UBA7: variants seen among roughly 807,000 people sequenced by gnomAD.
The protein encoded by UBA7 is ubiquitin-like modifier-activating enzyme 7.
In UBA7, 88 loss-of-function variants were observed where a neutral mutation model predicts 113.0. That is an observed-to-expected ratio of 0.78 (90% CI 0.66 to 0.93). UBA7 has a LOEUF of 0.93. Among genes scored for constraint, UBA7 ranks in the 40% least tolerant of loss-of-function variants. UBA7 has a pLI of 0.00. For synonymous variants in UBA7, 459 were observed against 513.0 expected (o/e 0.89, Z 1.42); for missense variants, 1,092 against 1,266.4 (o/e 0.86, Z 2.09).
At position 49,811,915 on chromosome 3, in the gene UBA7, G is replaced by A; in HGVS notation, c.894C>T (p.His298=). 1 of 1,614,198 alleles carries A rather than the reference G, an allele frequency of 6.2e-7. No homozygotes were observed. Among genetic ancestry groups the A allele is most frequent in the South Asian group, 1.1e-5 (1 of 91,088 alleles). ...HCLHQAFCAL[H]KFQHLHGRPP... is the part of the protein sequence containing the mutation. ...GCCGGCCATGGAGGTGCTGGAACTT[G>A]TGCAGTGCACAGAAGGCCTGATGCA... The change falls in exon 8 of 24, where the codon CAC becomes CAT. Residue 298 remains histidine, a synonymous_variant. Coordinates refer to ENST00000333486, the MANE Select transcript of UBA7 (RefSeq NM_003335.3).
chr3:49,805,971 G>A lies in UBA7; in HGVS notation c.2835C>T (p.Ile945=), dbSNP rs773389504. 3.8e-6 allele frequency: 6 copies of A among 1,566,928 alleles called. No individual in the cohort carries two copies. The South Asian group carries it at 7.0e-5, about 18-fold the overall frequency. The change falls in exon 23 of 24, where the codon ATC becomes ATT. Residue 945 remains isoleucine (I), a synonymous_variant. Coordinates refer to ENST00000333486, the MANE Select transcript of UBA7 (RefSeq NM_003335.3). ...LQEQHGLRVR[I]LLHGSALLYA... ...AGAGCAGGGCTGAGCCGTGCAGCAGGATCCTCACCCTCAACCCGTGCTGCT... is the reference window on the plus strand; with the variant it reads ...AGAGCAGGGCTGAGCCGTGCAGCAGAATCCTCACCCTCAACCCGTGCTGCT...
rs778016635 is a variant in UBA7, at chr3:49,810,386, T to C, written c.1510A>G (p.Asn504Asp). 2 of 1,614,122 alleles carry C rather than the reference T, an allele frequency of 1.2e-6. No individual in the cohort carries two copies. The highest frequency in any genetic ancestry group is 1.7e-6 in the Non-Finnish European group (2 of 1,180,010). Residue 504 changes from asparagine (N) to aspartate (D), a missense_variant, in exon 13 of 24, where the codon AAC (asparagine) becomes GAC (aspartate). Transcript: ENST00000333486. This position sits in a 1 kb window ranked among gnomAD's most constrained non-coding sequence, Gnocchi z 5.6. ...AGCGGGATCACCTGTAAGTCTGGGT[T>C]CAGGCCCCGGGCAGCTGCTGCAGCC... ...EVAAAAARGLNPDLQVIPLTY... is the reference protein window; with the variant it reads ...EVAAAAARGLDPDLQVIPLTY...
chr3:49,806,951 C>T (rs2081463234), intron 21 of UBA7, among the ~76,000 whole-genome samples: 1 of 152,136 alleles, frequency 6.6e-6, no homozygotes, highest in South Asian at 2.1e-4. Flanking sequence ...TCAGCAGAAA[C>T]CCAGTGCTGG....
At chr3:49,813,458 A>AT (rs1204149037) in intron 2 of UBA7, 21 bp downstream of exon 2, 1 of 1,610,564 alleles carries the variant, frequency 6.2e-7, no homozygotes, top group Non-Finnish European at 8.5e-7. Flanking sequence ...CTGGCAGCCC[A>AT]TAGCCCCCCA....
At position 49,812,694 on chromosome 3, in the gene UBA7, G is replaced by C. The variant is rs1367467912; in HGVS notation, c.512C>G (p.Pro171Arg). Residue 171 changes from proline (P) to arginine (R), a missense_variant, in exon 5 of 24, where the codon CCC becomes CGC. Pro to Arg is a moderately radical substitution (Grantham distance 103). Transcript: ENST00000333486. ...AGCTGTCAGGGGTTCTGCCTCTGTG[G>C]GGTCCTGCACAGTGAAGTCCTCACC... Reference protein sequence around the residue: ...DFGEDFTVQDPTEAEPLTAAI... With the variant: ...DFGEDFTVQDRTEAEPLTAAI... The C allele has an allele frequency of 1.2e-6, 2 of 1,614,218 alleles. No homozygotes were observed. Among genetic ancestry groups the C allele is most frequent in the Admixed American group, 3.3e-5 (2 of 60,022 alleles).
At chr3:49,805,775 A>T in intron 23 of UBA7, 122 bp downstream of exon 23, 2 of 1,017,322 alleles carry the variant, frequency 2.0e-6, no homozygotes, top group Non-Finnish European at 2.9e-6. Context: ...CCATTTGGGG[A>T]AAGAATGCTT....
intron 23 of UBA7, 24 bp from the exon 24 acceptor site, chr3:49,805,461 G>C (rs762083692): frequency 1.2e-6 from 2 of 1,609,380 alleles, no homozygotes; most frequent in African/African-American, 2.7e-5. Context: ...GTTTAGGGGA[G>C]ATTGGAGAGG....
In UBA7 at chr3:49,805,905, C is replaced by A; in HGVS notation, c.2901G>T (p.Leu967=). ...GCCCCAAGTGGGCTCACCTGAGGGGCAGGTGCTGGGCCTGCTTTTCAGGTG... is the reference window on the plus strand; with the variant it reads ...GCCCCAAGTGGGCTCACCTGAGGGGAAGGTGCTGGGCCTGCTTTTCAGGTG... ...GWSPEKQAQH[L]PLRVTELVQQ... Residue 967 remains leucine (L), a synonymous_variant, in exon 23 of 24, where the codon CTG becomes CTT. Coordinates refer to ENST00000333486, the MANE Select transcript of UBA7 (RefSeq NM_003335.3). The A allele has an allele frequency of 6.4e-7, 1 of 1,553,586 alleles. No individual in the cohort carries two copies. Among genetic ancestry groups the A allele is most frequent in the East Asian group, 2.4e-5 (1 of 41,092 alleles).
At chr3:49,809,905 GT>G in intron 14 of UBA7, 26 bp from the exon 15 acceptor site, 1 of 1,614,172 alleles carries the variant, frequency 6.2e-7, no homozygotes, top group Non-Finnish European at 8.5e-7. Flanking sequence ...GAAGAATGAG[GT>G]ATCAGGTGGA....
At chr3:49,806,040 G>A (rs1476390098) in intron 22 of UBA7, 33 bp downstream of exon 22, 1 of 1,574,596 alleles carries the variant, frequency 6.4e-7, no homozygotes, top group Admixed American at 1.9e-5. Context: ...GGGCTGGGCT[G>A]AGCCTGGGGG....
Position 49,812,106 on chromosome 3 carries a change from C to T in UBA7, c.792+3G>A. 9 of 1,614,214 alleles carry T rather than the reference C, an allele frequency of 5.6e-6. No homozygotes were observed. The highest frequency in any genetic ancestry group is 1.1e-5 in the South Asian group (1 of 91,084). ...CCCCTACCTCAGATGCACTTGCACTCACATGTCTCACAGTCTTGGGTCTCT... is the reference window on the plus strand; with the variant it reads ...CCCCTACCTCAGATGCACTTGCACTTACATGTCTCACAGTCTTGGGTCTCT... On this transcript the variant is annotated splice_donor_region_variant and intron_variant, in intron 7 of 23. Coordinates refer to ENST00000333486, the MANE Select transcript of UBA7 (RefSeq NM_003335.3).
At chr3:49,809,305 G>T in intron 17 of UBA7, 85 bp downstream of exon 17, 2 of 1,556,484 alleles carry the variant, frequency 1.3e-6, no homozygotes, top group Non-Finnish European at 1.8e-6. Context: ...GGGCATCTGT[G>T]CATCTCTGCA....
In UBA7 at chr3:49,807,153, A is replaced by G; in HGVS notation, c.2715+583T>C. Among the ~76,000 whole-genome samples the G allele has an allele frequency of 6.6e-6, 1 of 152,122 alleles. No homozygotes were observed. The highest frequency in any genetic ancestry group is 1.9e-4 in the East Asian group (1 of 5,190). ...CACATGCATCTCCATGCATGCCCACATTGAGGACACAGGAAGATGGGAGCC... is the reference window on the plus strand; with the variant it reads ...CACATGCATCTCCATGCATGCCCACGTTGAGGACACAGGAAGATGGGAGCC... On this transcript the variant is annotated intron_variant, in intron 21 of 23. Coordinates refer to ENST00000333486, the MANE Select transcript of UBA7 (RefSeq NM_003335.3). The surrounding 1 kb of genome is among the most constrained non-coding windows in gnomAD (Gnocchi z 4.0).
At position 49,809,384 on chromosome 3, in the gene UBA7, A is replaced by T; in HGVS notation, c.2163+6T>A. ...ATCTTGGAGCTCCCTACAGAATCCCACTCACTTGGTTGGTGTCAAACTCCA... is the reference window on the plus strand; with the variant it reads ...ATCTTGGAGCTCCCTACAGAATCCCTCTCACTTGGTTGGTGTCAAACTCCA... On this transcript the variant is annotated splice_donor_region_variant and intron_variant, in intron 17 of 23. Coordinates refer to ENST00000333486, the MANE Select transcript of UBA7 (RefSeq NM_003335.3). 1 of 1,613,676 alleles carries T rather than the reference A, an allele frequency of 6.2e-7. No homozygotes were observed. Among genetic ancestry groups the T allele is most frequent in the Non-Finnish European group, 8.5e-7 (1 of 1,179,740 alleles).
chr3:49,813,339 G>A lies in UBA7; in HGVS notation c.270C>T (p.Ala90=), dbSNP rs1236269243. ...EQDLERSRAE[A]SQELLAQLNR... ...TGAGCTGAGCCAAGAGCTCTTGAGA[G>A]GCCTCGGCTCTGCTCCTTTCCAAGT... Residue 90 remains alanine, a synonymous_variant, in exon 3 of 24, where the codon GCC becomes GCT. Coordinates refer to ENST00000333486, the MANE Select transcript of UBA7 (RefSeq NM_003335.3). 8.7e-6 allele frequency: 14 copies of A among 1,614,190 alleles called. No homozygotes were observed. Among genetic ancestry groups the A allele is most frequent in the Non-Finnish European group, 1.2e-5 (14 of 1,180,042 alleles).
Position 49,813,113 on chromosome 3 carries a change from C to T in UBA7, c.416G>A (p.Cys139Tyr). 1.2e-6 allele frequency: 2 copies of T among 1,614,170 alleles called. No homozygotes were observed. Among genetic ancestry groups the T allele is most frequent in the South Asian group, 1.1e-5 (1 of 91,086 alleles). The part of the protein sequence containing the change: ...LEEQLKVGTL[C>Y]HKHGVCFLAA... ...CAGAAAGCAAACTCCATGCTTATGACACAAGGTGCCCACCTTCAGCTGCTC... is the reference window on the plus strand; with the variant it reads ...CAGAAAGCAAACTCCATGCTTATGATACAAGGTGCCCACCTTCAGCTGCTC... The change falls in exon 4 of 24, where the codon TGT becomes TAT. Residue 139 changes from cysteine (C) to tyrosine (Y), a missense_variant. This residue lies in a region of UBA7 where 584 missense variants were observed against 714.5 expected (regional missense o/e 0.82). Transcript: ENST00000333486.
In UBA7 at chr3:49,809,003, C is replaced by T; in HGVS notation, c.2320G>A (p.Glu774Lys). Residue 774 changes from glutamate (E) to lysine (K), a missense_variant, in exon 18 of 24, where the codon GAG (glutamate) becomes AAG (lysine). Around this residue, in one of 3 missense-constraint regions of UBA7, gnomAD observed 500 missense variants for 529.3 expected, o/e 0.94. Coordinates refer to ENST00000333486, the MANE Select transcript of UBA7 (RefSeq NM_003335.3). ...QMAPIFASNL[E>K]LASASAEFGP... ...AACTCAGCAGAAGCCGAAGCCAGCT[C>T]TAGATTACTAGCAAAGATGGGGGCC... 1 of 1,613,772 alleles carries T rather than the reference C, an allele frequency of 6.2e-7. No individual in the cohort carries two copies.
chr3:49,811,074 G>T lies in UBA7; in HGVS notation c.1140C>A (p.Phe380Leu), dbSNP rs753048014. ...QEVLKAISRK[F>L]MPLDQWLYFD... The stretch of plus-strand genomic sequence containing the variant: ...AGTAAAGCCACTGGTCCAGAGGCAT[G>T]AACTTCCTGGAGATTGCCTAGGGGC... The change falls in exon 10 of 24, where the codon TTC (phenylalanine) becomes TTA (leucine). Residue 380 changes from phenylalanine to leucine, a missense_variant. Phe to Leu is a conservative substitution (Grantham distance 22). This residue lies in a region of UBA7 where 584 missense variants were observed against 714.5 expected (regional missense o/e 0.82). Transcript: ENST00000333486. The T allele has an allele frequency of 6.2e-7, 1 of 1,613,998 alleles. No individual in the cohort carries two copies. Among genetic ancestry groups the T allele is most frequent in the South Asian group, 1.1e-5 (1 of 91,062 alleles).
Sources: allele counts gnomAD v4.1 joint callset (sites outside exome capture counted in the v4.1 genomes callset), GRCh38; gene constraint gnomAD v4.1.1; regional missense constraint gnomAD v4.1.1; non-coding constraint Gnocchi (gnomAD v3.1); transcripts MANE v1.5; gene names NCBI Gene and HGNC (gene_info 2026-07-23, HGNC 2026-07-21).